Variants in SLC35H1 observed in about 807,000 individuals in gnomAD.
SLC35H1 encodes the protein ovarian cancer-overexpressed gene 1 protein.
the SLC35H1 span, among the ~76,000 whole-genome samples, chr20:46,359,550 G>A: frequency 1.3e-5 from 2 of 152,174 alleles, no homozygotes; most frequent in African/African-American, 4.8e-5. Context: ...ACACTCTAAC[G>A]GCTGGAACAC....
the SLC35H1 span, chr20:46,355,930 C>T: frequency 6.2e-7 from 1 of 1,607,208 alleles, no homozygotes; most frequent in Non-Finnish European, 8.5e-7. The surrounding 1 kb of genome is among the most constrained non-coding windows in gnomAD (Gnocchi z 4.8). Flanking sequence ...AGACCCATCA[C>T]CGAGAAAGGA....
At chr20:46,357,668 C>T in the SLC35H1 span, 1 of 1,614,062 alleles carries the variant, frequency 6.2e-7, no homozygotes. Context: ...CTCAGCACCA[C>T]ACGGGCCCTG....
chr20:46,356,301 C>T, the SLC35H1 span, among the ~76,000 whole-genome samples: 1 of 152,224 alleles, frequency 6.6e-6, no homozygotes, highest in Non-Finnish European at 1.5e-5. Flanking sequence ...TTGCAGCCTG[C>T]CTTCCCCTGC....
At chr20:46,356,088 CCT>C in the SLC35H1 span, among the ~76,000 whole-genome samples, 1 of 152,124 alleles carries the variant, frequency 6.6e-6, no homozygotes, top group Admixed American at 6.5e-5. Context: ...CGTTGAGCTC[CCT>C]GAGTCCTGTT....
the SLC35H1 span, chr20:46,350,169 T>C: frequency 7.6e-6 from 3 of 396,586 alleles, no homozygotes; most frequent in African/African-American, 4.1e-5. Flanking sequence ...CCAGCGCAGC[T>C]TGGGCCCAGC....
At chr20:46,357,646 T>C in the SLC35H1 span, 4 of 1,613,780 alleles carry the variant, frequency 2.5e-6, no homozygotes, top group Non-Finnish European at 3.4e-6. Context: ...TCTTCTGAGG[T>C]AGTCGGCCCA....
At chr20:46,350,567 T>G in the SLC35H1 span, 3 of 1,547,836 alleles carry the variant, frequency 1.9e-6, no homozygotes, top group South Asian at 2.5e-5. Flanking sequence ...CAGTCGTGGT[T>G]TTCTTGGTTT....
the SLC35H1 span, chr20:46,363,295 A>T: frequency 6.6e-6 from 1 of 152,026 alleles, no homozygotes; most frequent in South Asian, 2.1e-4. Flanking sequence ...ACATAATCTC[A>T]TCCTACCCAA....
At chr20:46,350,899 A>T in the SLC35H1 span, 1 of 1,613,670 alleles carries the variant, frequency 6.2e-7, no homozygotes, top group Non-Finnish European at 8.5e-7. Context: ...TCCTGGGGGC[A>T]GAGAAGCAGG....
the SLC35H1 span, chr20:46,358,781 C>T: frequency 5.3e-5 from 75 of 1,426,724 alleles, no homozygotes; most frequent in African/African-American, 1.4e-5. Flanking sequence ...GGAAAAAGGG[C>T]CGCTCTGGAG....
At chr20:46,363,423 C>T in the SLC35H1 span, among the ~76,000 whole-genome samples, 1 of 152,152 alleles carries the variant, frequency 6.6e-6, no homozygotes, top group Non-Finnish European at 1.5e-5. Context: ...CTTAAGATGC[C>T]CTAAGAAGAT....
the SLC35H1 span, among the ~76,000 whole-genome samples, chr20:46,362,326 C>T: frequency 6.6e-6 from 1 of 152,154 alleles, no homozygotes; most frequent in African/African-American, 2.4e-5. Flanking sequence ...CATATTCTGC[C>T]CCACTTTCCA....
At chr20:46,356,780 C>T in the SLC35H1 span, 9 of 718,416 alleles carry the variant, frequency 1.3e-5, no homozygotes, top group Non-Finnish European at 1.9e-5. Flanking sequence ...TCTTTTCCAC[C>T]AGCAACTAAA....
chr20:46,352,048 T>C, the SLC35H1 span: 1 of 1,613,974 alleles, frequency 6.2e-7, no homozygotes, highest in Non-Finnish European at 8.5e-7. Context: ...CCCGAGTCTG[T>C]ACCTTAAAAA....
the SLC35H1 span, chr20:46,358,529 G>A: frequency 1.4e-5 from 23 of 1,614,078 alleles, no homozygotes; most frequent in African/African-American, 2.5e-4. Flanking sequence ...CAGCACCGGA[G>A]CTCCTGAGTC....
At chr20:46,355,963 G>A in the SLC35H1 span, 36 of 1,579,132 alleles carry the variant, frequency 2.3e-5, no homozygotes, top group Admixed American at 1.8e-4. This position sits in a 1 kb window ranked among gnomAD's most constrained non-coding sequence, Gnocchi z 4.8. Flanking sequence ...ATCACTGAGC[G>A]AAATGACCAA....
chr20:46,357,642 G>C, the SLC35H1 span: 3 of 1,613,958 alleles, frequency 1.9e-6, no homozygotes, highest in South Asian at 2.2e-5. Flanking sequence ...CCACTCTTCT[G>C]AGGTAGTCGG....
the SLC35H1 span, chr20:46,355,658 G>A: frequency 4.3e-6 from 5 of 1,175,776 alleles, no homozygotes; most frequent in African/African-American, 7.7e-5. The surrounding 1 kb of genome is among the most constrained non-coding windows in gnomAD (Gnocchi z 4.8). Flanking sequence ...CCATGTCTAG[G>A]TCCCTTCTCA....
At chr20:46,363,811 A>G in the SLC35H1 span, among the ~76,000 whole-genome samples, 1 of 152,246 alleles carries the variant, frequency 6.6e-6, no homozygotes, top group Admixed American at 6.5e-5. Flanking sequence ...AGCCTGGTCC[A>G]CAAGGAAGGC....
Sources: gnomAD v4.1 joint callset for allele counts (sites outside exome capture counted in the v4.1 genomes callset) on GRCh38, gnomAD v4.1.1 for gene constraint, Gnocchi (gnomAD v3.1) non-coding constraint, MANE v1.5 for transcripts, NCBI Gene and HGNC (gene_info 2026-07-23, HGNC 2026-07-21) for gene names.